BIRC6: variants seen among roughly 807,000 people sequenced by gnomAD.
The protein encoded by BIRC6 is dual E2 ubiquitin-conjugating enzyme/E3 ubiquitin-protein ligase BIRC6.
In BIRC6, 98 loss-of-function variants were observed where a neutral mutation model predicts 503.3. That is an observed-to-expected ratio of 0.19 (90% CI 0.17 to 0.23). The LOEUF is 0.23. Among genes scored for constraint, BIRC6 ranks in the 10% least tolerant of loss-of-function variants. The pLI, the probability that BIRC6 is intolerant of heterozygous loss-of-function variation, is 1.00. For missense variants in BIRC6, 5,360 were observed against 5,806.0 expected (o/e 0.92, Z 2.50); for synonymous variants, 2,240 against 2,078.7 (o/e 1.08, Z -2.11).
rs1257570770 is a variant in BIRC6 at position 32,471,050 on chromosome 2, T to C, written c.6518T>C (p.Met2173Thr). 2.5e-6 allele frequency: 4 copies of C among 1,581,632 alleles called. No individual in the cohort carries two copies. The highest frequency in any genetic ancestry group is 3.4e-6 in the Non-Finnish European group (4 of 1,161,662). The change falls in exon 32 of 74, where the codon ATG becomes ACG. Residue 2173 changes from methionine (M) to threonine (T), a missense_variant. Transcript: ENST00000421745. ...ATTCCCATGATCAGTTGGGTTGTTA[T>C]GCTGGTGTCCAGGTTGCTGGATTAT... ...LDIPMISWVV[M>T]LVSRLLDYVA...
At chr2:32,494,692 A>G (rs1397831305) in intron 45 of BIRC6, among the ~76,000 whole-genome samples, 2 of 152,004 alleles carry the variant, frequency 1.3e-5, no homozygotes, top group African/African-American at 4.8e-5. Flanking sequence ...GCTTAAGCCC[A>G]GGAGTTTGAG....
rs368206423 is a variant in BIRC6, at chr2:32,547,858, G to A, written c.12819G>A (p.Val4273=). The A allele has an allele frequency of 3.8e-6, 6 of 1,568,548 alleles. No individual in the cohort carries two copies. The highest frequency in any genetic ancestry group is 2.1e-5 in the Admixed American group (1 of 48,450). Residue 4273 remains valine, a synonymous_variant, in exon 64 of 74, where the codon GTG becomes GTA. Transcript: ENST00000421745. ...TTTTTTGTTATTTTAAGCCACAGGT[G>A]TCAAGCTCTCATAACCCTACATCAA... is the stretch of plus-strand genomic sequence containing the variant. ...NSSVNQTEPQ[V]SSSHNPTSTE...
intron 22 of BIRC6, among the ~76,000 whole-genome samples, chr2:32,451,826 A>C (rs985669348): frequency 2.0e-5 from 3 of 152,330 alleles, no homozygotes; most frequent in Admixed American, 6.5e-5. Flanking sequence ...ATAGCTTCCC[A>C]GTATGTAGAC....
rs201206447 is a variant in BIRC6 at position 32,545,846 on chromosome 2, G to A, written c.12796G>A (p.Val4266Met). ...HHSPRVPNSS[V>M]NQTEPQVSSS... is the part of the protein sequence containing the mutation. ...TTCCCCACGAGTTCCAAACTCTAGC[G>A]TGAATCAAACTGAGGTAGGTTCACT... Residue 4266 changes from valine to methionine, a missense_variant, in exon 63 of 74, where the codon GTG becomes ATG. Physicochemically the swap from Val to Met is conservative, Grantham distance 21 (BLOSUM62 1). This residue lies in a region of BIRC6 where 477 missense variants were observed against 574.4 expected (regional missense o/e 0.83). Coordinates refer to ENST00000421745, the MANE Select transcript of BIRC6 (RefSeq NM_016252.4). 456 of 1,612,894 alleles carry A rather than the reference G, an allele frequency of 2.8e-4. 3 individuals carry two copies. In the East Asian group the frequency reaches 9.0e-3, roughly 32 times the overall value.
Position 32,463,313 on chromosome 2 carries a change from G to T in BIRC6, c.4873G>T (p.Ala1625Ser). ...TTTGCAGTCTCTCTCTCATGCAATGGCTTCAGCCGAGCAACAGCTACAGGT... is the reference window on the plus strand; with the variant it reads ...TTTGCAGTCTCTCTCTCATGCAATGTCTTCAGCCGAGCAACAGCTACAGGT... ...VALQSLSHAMASAEQQLQVLQ... is the reference protein window; with the variant it reads ...VALQSLSHAMSSAEQQLQVLQ... The change falls in exon 24 of 74, where the codon GCT becomes TCT. Residue 1625 changes from alanine to serine, a missense_variant. Coordinates refer to ENST00000421745, the MANE Select transcript of BIRC6 (RefSeq NM_016252.4). 6.2e-7 allele frequency: 1 copy of T among 1,613,836 alleles called. No homozygotes were observed. Among genetic ancestry groups the T allele is most frequent in the South Asian group, 1.1e-5 (1 of 91,054 alleles).
At chr2:32,488,157 A>G (rs1360566595) in intron 41 of BIRC6, among the ~76,000 whole-genome samples, 3 of 152,148 alleles carry the variant, frequency 2.0e-5, no homozygotes, top group African/African-American at 7.2e-5. Flanking sequence ...CTTGGGCAAC[A>G]TAACACTAGA....
rs1432305814 is a variant in BIRC6, at chr2:32,375,743, C to CTCTTTTT, written c.326-1844_326-1843insCTTTTTT. On this transcript the variant is annotated intron_variant, in intron 1 of 73. Transcript: ENST00000421745. ...CCGTAAATGTATTTTCTTTCTCTCTCTTTTTTTTTTTTTTTGCAATTCAGC... is the reference window on the plus strand; with the variant it reads ...CCGTAAATGTATTTTCTTTCTCTCTCTCTTTTTTTTTTTTTTTTTTTTGCAATTCAGC... 7.6e-4 allele frequency among the ~76,000 whole-genome samples: 105 copies of CTCTTTTT among 138,384 alleles called. 1 individual carries two copies. Among genetic ancestry groups the CTCTTTTT allele is most frequent in the African/African-American group, 2.4e-3 (91 of 37,218 alleles). 90.8% of individuals were successfully genotyped at this position (138,384 alleles called of 152,430 possible).
chr2:32,406,234 T>C (rs1418662847), intron 8 of BIRC6, among the ~76,000 whole-genome samples: 8 of 151,870 alleles, frequency 5.3e-5, no homozygotes, highest in Non-Finnish European at 1.0e-4. Flanking sequence ...TCTGCAAAAA[T>C]TAAAAGAAAA....
intron 21 of BIRC6, among the ~76,000 whole-genome samples, chr2:32,446,146 G>A (rs1368599872): frequency 6.6e-6 from 1 of 152,166 alleles, no homozygotes; most frequent in Non-Finnish European, 1.5e-5. Flanking sequence ...ATGAGCCACC[G>A]TGCCCGGCCA....
intron 61 of BIRC6, among the ~76,000 whole-genome samples, chr2:32,538,473 C>T (rs1179793136): frequency 6.6e-6 from 1 of 152,072 alleles, no homozygotes; most frequent in Non-Finnish European, 1.5e-5. Context: ...AATAAAGATT[C>T]ACTTGAGAAA....
At chr2:32,574,160 C>CTTTTTTTTTTTTTTTT (rs1055060322) in intron 65 of BIRC6, among the ~76,000 whole-genome samples, 1 of 124,684 alleles carries the variant, frequency 8.0e-6, no homozygotes. Flanking sequence ...ATAACTTTTT[C>CTTTTTTTTTTTTTTTT]TTTTTTTTTT....
At position 32,518,438 on chromosome 2, in the gene BIRC6, A is replaced by G. The variant is rs755352695; in HGVS notation, c.11493+41A>G. ...TTAATCATTGGCTGTGTATACATGT[A>G]TTTTACAATTTTGTATCAGAGCCTG... On this transcript the variant is annotated intron_variant, in intron 56 of 73. Coordinates refer to ENST00000421745, the MANE Select transcript of BIRC6 (RefSeq NM_016252.4). 3.2e-6 allele frequency: 5 copies of G among 1,568,118 alleles called. No individual in the cohort carries two copies. The Admixed American group carries it at 1.1e-4, about 34-fold the overall frequency.
At position 32,505,109 on chromosome 2, in the gene BIRC6, C is replaced by T; in HGVS notation, c.9604C>T (p.Leu3202Phe). 1 of 1,610,826 alleles carries T rather than the reference C, an allele frequency of 6.2e-7. No individual in the cohort carries two copies. Among genetic ancestry groups the T allele is most frequent in the Non-Finnish European group, 8.5e-7 (1 of 1,178,444 alleles). ...ARSAAWSYIF[L>F]PEEAWCDLTI... ...CTCTGCTGCTTGGTCCTACATCTTT[C>T]TTCCAGAGGAGGCTTGGTGTGACCT... The change falls in exon 50 of 74, where the codon CTT becomes TTT. Residue 3202 changes from leucine to phenylalanine, a missense_variant. Leu to Phe is a conservative substitution (Grantham distance 22, BLOSUM62 0). Coordinates refer to ENST00000421745, the MANE Select transcript of BIRC6 (RefSeq NM_016252.4).
At chr2:32,510,072 A>G in intron 52 of BIRC6, 78 bp downstream of exon 52, 1 of 1,483,064 alleles carries the variant, frequency 6.7e-7, no homozygotes, top group Non-Finnish European at 9.1e-7. Flanking sequence ...CTTCGTGCTT[A>G]ACTCTGTTTT....
In BIRC6 at chr2:32,531,548, A is replaced by C. The variant is rs998253062; in HGVS notation, c.12288A>C (p.Gln4096His). The C allele has an allele frequency of 4.4e-6, 7 of 1,608,518 alleles. No homozygotes were observed. The highest frequency in any genetic ancestry group is 1.3e-5 in the African/African-American group (1 of 75,014). ...RLPMLYPEVI[Q>H]QVSAPVVTST... is the part of the protein sequence containing the mutation. ...CCATGCTATATCCAGAAGTAATTCA[A>C]CAGGTAAGATAAGATTTCCTAATCG... The change falls in exon 61 of 74, where the codon CAA becomes CAC. Residue 4096 changes from glutamine to histidine, a missense_variant. By Grantham distance (24) the Gln-to-His change is conservative. Transcript: ENST00000421745.
intron 59 of BIRC6, chr2:32,526,973 A>T (rs1474002446): frequency 6.6e-6 from 1 of 152,330 alleles, no homozygotes; most frequent in Non-Finnish European, 1.5e-5. Flanking sequence ...TGCTGATGAA[A>T]TATATCCCTG....
At chr2:32,428,436 A>G (rs1443997315) in intron 10 of BIRC6, among the ~76,000 whole-genome samples, 1 of 152,200 alleles carries the variant, frequency 6.6e-6, no homozygotes, top group Non-Finnish European at 1.5e-5. Context: ...CTCTCCATCA[A>G]TCAAGTCCCA....
chr2:32,429,554 A>G (rs1181635441), intron 11 of BIRC6, among the ~76,000 whole-genome samples: 1 of 139,334 alleles, frequency 7.2e-6, no homozygotes, highest in African/African-American at 2.7e-5. Context: ...AGACTGGCTC[A>G]TATTATTAAT....
chr2:32,493,649 A>G lies in BIRC6; in HGVS notation c.8450A>G (p.His2817Arg). Residue 2817 changes from histidine to arginine, a missense_variant, in exon 45 of 74, where the codon CAT becomes CGT. His to Arg is a conservative substitution (Grantham distance 29). Around this residue, in one of 16 missense-constraint regions of BIRC6, gnomAD observed 2,299 missense variants for 2,267.2 expected, o/e 1.01. Transcript: ENST00000421745. ...AGTGAATTTTTGCTCAAGCTAATTC[A>G]TATACTTTCAACTGAAAGGTAAATT... ...IFSEFLLKLI[H>R]ILSTERGAFQ... The G allele has an allele frequency of 1.2e-6, 2 of 1,603,876 alleles. No individual in the cohort carries two copies. The highest frequency in any genetic ancestry group is 1.7e-6 in the Non-Finnish European group (2 of 1,173,442).
Sources: allele counts gnomAD v4.1 joint callset (sites outside exome capture counted in the v4.1 genomes callset), GRCh38; gene constraint gnomAD v4.1.1; regional missense constraint gnomAD v4.1.1; transcripts MANE v1.5; gene names NCBI Gene and HGNC (gene_info 2026-07-23, HGNC 2026-07-21).